LRP11: variants seen among roughly 807,000 people sequenced by gnomAD.
The protein encoded by LRP11 is low-density lipoprotein receptor-related protein 11.
In LRP11, 25 loss-of-function variants were observed where a neutral mutation model predicts 43.1. The observed-to-expected ratio is 0.58, with a 90% CI of 0.42 to 0.81. The LOEUF (loss-of-function observed/expected upper bound fraction) is 0.81, where lower values mean the gene tolerates loss of function less well. Ranked by LOEUF, LRP11 falls within the 30% of genes least tolerant of loss-of-function variation. LRP11 has a pLI of 0.00. For missense variants in LRP11, 623 were observed against 665.1 expected (o/e 0.94, Z 0.70); for synonymous variants, 316 against 299.4 (o/e 1.06, Z -0.57).
chr6:149,850,184 T>C (rs184064257), intron 2 of LRP11, among the ~76,000 whole-genome samples: 1 of 152,310 alleles, frequency 6.6e-6, no homozygotes, highest in East Asian at 1.9e-4. Flanking sequence ...TTAACTATTT[T>C]GCTGTGTGAC....
intron 2 of LRP11, 158 bp downstream of exon 2, chr6:149,852,845 G>C: frequency 1.9e-6 from 1 of 522,136 alleles, no homozygotes; most frequent in Non-Finnish European, 3.1e-6. Flanking sequence ...AAAGCACATT[G>C]AGATAATAAA....
chr6:149,828,691 T>C (rs961094428), intron 5 of LRP11, among the ~76,000 whole-genome samples: 1 of 152,050 alleles, frequency 6.6e-6, no homozygotes, highest in Admixed American at 6.6e-5. Context: ...GGTTTTGCCA[T>C]GTTTCCCAGG....
rs1489753259 is a variant in LRP11, at chr6:149,864,278, G to A, written c.-258C>T. On this transcript the variant is annotated 5_prime_UTR_variant, in exon 1 of 7. Coordinates refer to ENST00000239367, the MANE Select transcript of LRP11 (RefSeq NM_032832.6). ...CGCCGGAGACTGCCCAGCGCCCTGC[G>A]CCTCTCCGCCCCGGCCTGCGGCGCG... The A allele has an allele frequency of 2.8e-6, 3 of 1,058,368 alleles. No individual in the cohort carries two copies. 65.6% of individuals were successfully genotyped at this position (1,058,368 alleles called of 1,614,324 possible).
In LRP11 at chr6:149,820,518, G is replaced by A. The variant is rs762365838; in HGVS notation, c.*31C>T. On this transcript the variant is annotated 3_prime_UTR_variant, in exon 7 of 7. Transcript: ENST00000239367. ...GATGTATAAATTATAAACAAAACAT[G>A]TCCCTGCCCCAAGGTATTGAAATTA... is the stretch of plus-strand genomic sequence containing the variant. 1.3e-6 allele frequency: 1 copy of A among 768,412 alleles called. No homozygotes were observed. Among genetic ancestry groups the A allele is most frequent in the East Asian group, 2.4e-5 (1 of 40,914 alleles). 47.6% of individuals were successfully genotyped at this position (768,412 alleles called of 1,614,324 possible).
At chr6:149,850,382 G>A (rs1002022581) in intron 2 of LRP11, among the ~76,000 whole-genome samples, 5 of 152,148 alleles carry the variant, frequency 3.3e-5, no homozygotes, top group African/African-American at 9.7e-5. Context: ...AGGGATCAGA[G>A]GCATAGCTCC....
At chr6:149,830,017 T>G (rs1295906767) in intron 5 of LRP11, among the ~76,000 whole-genome samples, 1 of 150,648 alleles carries the variant, frequency 6.6e-6, no homozygotes, top group African/African-American at 2.4e-5. Flanking sequence ...CTTTTTTTTT[T>G]TTTTTTTTTT....
chr6:149,860,052 A>G (rs1242150119), intron 1 of LRP11, among the ~76,000 whole-genome samples: 1 of 152,214 alleles, frequency 6.6e-6, no homozygotes, highest in Non-Finnish European at 1.5e-5. Flanking sequence ...AAGGGAGAAG[A>G]TAAGAATGTG....
At chr6:149,836,056 T>G (rs1293430131) in intron 5 of LRP11, 29 bp downstream of exon 5, 1 of 1,595,898 alleles carries the variant, frequency 6.3e-7, no homozygotes, top group African/African-American at 1.3e-5. Flanking sequence ...AACAAGGTTC[T>G]TCATTGAGAA....
At chr6:149,848,591 C>T (rs1776673870) in intron 2 of LRP11, among the ~76,000 whole-genome samples, 1 of 152,112 alleles carries the variant, frequency 6.6e-6, no homozygotes, top group Non-Finnish European at 1.5e-5. Context: ...AACATGGATG[C>T]AGCTGGAGGT....
chr6:149,842,794 A>G, intron 3 of LRP11, 189 bp downstream of exon 3: 2 of 1,228,384 alleles, frequency 1.6e-6, no homozygotes, highest in Non-Finnish European at 1.2e-6. Context: ...CCAACCCAGT[A>G]GCATCGGCTA....
chr6:149,848,310 A>T (rs890959571), intron 2 of LRP11, among the ~76,000 whole-genome samples: 2 of 152,176 alleles, frequency 1.3e-5, no homozygotes, highest in Non-Finnish European at 2.9e-5. Context: ...TGTACTGTGG[A>T]AAGTGGTGTG....
intron 1 of LRP11, among the ~76,000 whole-genome samples, chr6:149,862,143 C>T (rs1776912729): frequency 1.3e-5 from 2 of 152,108 alleles, no homozygotes; most frequent in South Asian, 4.1e-4. Context: ...GCCTCAAGGC[C>T]AAGCAGTCGC....
At chr6:149,832,271 A>G (rs974914629) in intron 5 of LRP11, among the ~76,000 whole-genome samples, 1 of 145,374 alleles carries the variant, frequency 6.9e-6, no homozygotes, top group Non-Finnish European at 1.5e-5. Context: ...GGCTCACTGC[A>G]ACCTCCGCCT....
In LRP11 at chr6:149,837,375, C is replaced by G. The variant is rs1400298937; in HGVS notation, c.1002G>C (p.Gln334His). The G allele has an allele frequency of 2.5e-6, 4 of 1,614,076 alleles. No homozygotes were observed. The Admixed American group carries it at 5.0e-5, about 20-fold the overall frequency. ...DITLACDGVQ[Q>H]CPDGSDEDFC... is the part of the protein sequence containing the mutation. ...AGTCTTCATCAGACCCATCAGGACA[C>G]TGCTGCACTCCATCGCAGGCGAGCG... Residue 334 changes from glutamine (Q) to histidine (H), a missense_variant, in exon 4 of 7, where the codon CAG becomes CAC. Coordinates refer to ENST00000239367, the MANE Select transcript of LRP11 (RefSeq NM_032832.6).
At position 149,863,997 on chromosome 6, in the gene LRP11, G is replaced by C; in HGVS notation, c.24C>G (p.Ser8Arg). The C allele has an allele frequency of 7.3e-7, 1 of 1,368,264 alleles. No individual in the cohort carries two copies. The highest frequency in any genetic ancestry group is 9.4e-7 in the Non-Finnish European group (1 of 1,069,088). The allele number at this position is 1,368,264 out of a possible 1,614,324, so 84.8% of individuals were successfully genotyped here. The change falls in exon 1 of 7, where the codon AGC becomes AGG. Residue 8 changes from serine (S) to arginine (R), a missense_variant. By Grantham distance (110) the Ser-to-Arg change is moderately radical. Transcript: ENST00000239367. Reference protein sequence around the residue: MASVAQESAGSQRRLPPR... With the variant: MASVAQERAGSQRRLPPR... ...GCGGTAGCCGGCGCTGCGAGCCCGC[G>C]CTCTCCTGGGCGACGGAGGCCATGG...
chr6:149,857,386 TG>T (rs1214467601), intron 1 of LRP11, among the ~76,000 whole-genome samples: 1 of 151,814 alleles, frequency 6.6e-6, no homozygotes, highest in Non-Finnish European at 1.5e-5. Context: ...GAAAGTAGCC[TG>T]ATGTGTGGCA....
chr6:149,847,865 AC>A (rs1312259764), intron 2 of LRP11, among the ~76,000 whole-genome samples: 32 of 141,148 alleles, frequency 2.3e-4, no homozygotes, highest in African/African-American at 8.2e-4. Context: ...ACACACACAC[AC>A]ACACACACAC....
intron 6 of LRP11, among the ~76,000 whole-genome samples, chr6:149,822,868 T>C (rs1351609667): frequency 6.6e-6 from 1 of 152,176 alleles, no homozygotes; most frequent in Non-Finnish European, 1.5e-5. Context: ...ATTTTCAGAT[T>C]GAGATGCCTA....
At chr6:149,856,092 C>G (rs978386780) in intron 1 of LRP11, among the ~76,000 whole-genome samples, 42 of 151,840 alleles carry the variant, frequency 2.8e-4, no homozygotes, top group African/African-American at 1.0e-3. Context: ...TTATACATTA[C>G]AGCTAGCAGC....
Sources: gnomAD v4.1 joint callset for allele counts (sites outside exome capture counted in the v4.1 genomes callset) on GRCh38, gnomAD v4.1.1 for gene constraint, MANE v1.5 for transcripts, NCBI Gene and HGNC (gene_info 2026-07-23, HGNC 2026-07-21) for gene names.